Variants in SLC17A6 observed in about 807,000 individuals in gnomAD.
SLC17A6 encodes the protein vesicular glutamate transporter 2.
Under a neutral mutation model 67.1 loss-of-function variants are expected in SLC17A6, and 35 were observed. That is an observed-to-expected ratio of 0.52 (90% CI 0.40 to 0.69). The LOEUF is 0.69. Among genes scored for constraint, SLC17A6 ranks in the 30% least tolerant of loss-of-function variants. The pLI, the probability that SLC17A6 is intolerant of heterozygous loss-of-function variation, is 0.00. For synonymous variants in SLC17A6, 285 were observed against 252.3 expected (o/e 1.13, Z -1.23); for missense variants, 588 against 723.9 (o/e 0.81, Z 2.15).
In SLC17A6 at chr11:22,360,908, C is replaced by T; in HGVS notation, c.585C>T (p.Tyr195=). ...ILQGLVEGVT[Y]PACHGIWSKW... is the part of the protein sequence containing the mutation. ...TTCCCCCATCACAGGGTGTGACCTACCCAGCATGTCATGGGATATGGAGCA... is the reference window on the plus strand; with the variant it reads ...TTCCCCCATCACAGGGTGTGACCTATCCAGCATGTCATGGGATATGGAGCA... The change falls in exon 5 of 12, where the codon TAC becomes TAT. Residue 195 remains tyrosine, a synonymous_variant. Transcript: ENST00000263160. 6.2e-7 allele frequency: 1 copy of T among 1,613,858 alleles called. No homozygotes were observed. Among genetic ancestry groups the T allele is most frequent in the South Asian group, 1.1e-5 (1 of 91,056 alleles).
At chr11:22,353,014 A>G (rs1463102823) in intron 3 of SLC17A6, among the ~76,000 whole-genome samples, 1 of 152,212 alleles carries the variant, frequency 6.6e-6, no homozygotes, top group Admixed American at 6.5e-5. Flanking sequence ...TGGAACAACC[A>G]TGTGTTCACG....
At chr11:22,361,059 T>C (rs926062812) in intron 5 of SLC17A6, 75 bp downstream of exon 5, 2 of 1,255,350 alleles carry the variant, frequency 1.6e-6, no homozygotes, top group Non-Finnish European at 2.3e-6. Context: ...GAAAATTTGG[T>C]AAACTCACCT....
intron 7 of SLC17A6, among the ~76,000 whole-genome samples, chr11:22,366,732 C>T (rs1469140996): frequency 1.3e-5 from 2 of 152,044 alleles, no homozygotes; most frequent in South Asian, 2.1e-4. Context: ...TGGCTGGGCA[C>T]GGTGGCTCAC....
chr11:22,339,181 TTATATATA>T lies in SLC17A6; in HGVS notation c.86+578_86+585del, dbSNP rs60197884. Among the ~76,000 whole-genome samples, 16 of 82,808 alleles carry T rather than the reference TTATATATA, an allele frequency of 1.9e-4. 1 individual carries two copies. The highest frequency in any genetic ancestry group is 7.6e-4 in the South Asian group (2 of 2,640). The allele number at this position is 82,808 out of a possible 152,430, so 54.3% of individuals were successfully genotyped here. A position where few individuals can be genotyped will look rare whatever the true frequency, so the allele number is the denominator to read the frequency against. On this transcript the variant is annotated intron_variant, in intron 1 of 11. Transcript: ENST00000263160. ...TATATATATGTTATATATATATGTT[TTATATATA>T]TATATATATATATATGTTAGAGAGA...
At chr11:22,345,897 G>A (rs1020325735) in intron 3 of SLC17A6, among the ~76,000 whole-genome samples, 2 of 152,048 alleles carry the variant, frequency 1.3e-5, no homozygotes, top group African/African-American at 4.8e-5. Context: ...TGTCCAACTA[G>A]TACTACAAAT....
intron 3 of SLC17A6, among the ~76,000 whole-genome samples, chr11:22,348,057 T>C (rs900686924): frequency 2.0e-5 from 3 of 152,302 alleles, no homozygotes; most frequent in Non-Finnish European, 4.4e-5. Flanking sequence ...AGAGCTCATC[T>C]AATCCAACCC....
At chr11:22,352,383 A>G (rs1321279582) in intron 3 of SLC17A6, among the ~76,000 whole-genome samples, 3 of 152,252 alleles carry the variant, frequency 2.0e-5, no homozygotes, top group African/African-American at 2.4e-5. Context: ...TTGATAGGAT[A>G]CCCAGAACAG....
At chr11:22,343,026 C>T in intron 2 of SLC17A6, 1 of 604,622 alleles carries the variant, frequency 1.7e-6, no homozygotes, top group Non-Finnish European at 3.0e-6. Context: ...AAAGCCAGTG[C>T]GCCTGGCCTC....
chr11:22,345,001 C>CA (rs1192321446), intron 3 of SLC17A6, among the ~76,000 whole-genome samples: 1 of 151,462 alleles, frequency 6.6e-6, no homozygotes, highest in Admixed American at 6.6e-5. Flanking sequence ...AACAATTCAC[C>CA]AAAAAACAAA....
At chr11:22,358,895 A>G (rs1193038384) in intron 3 of SLC17A6, among the ~76,000 whole-genome samples, 1 of 152,186 alleles carries the variant, frequency 6.6e-6, no homozygotes, top group African/African-American at 2.4e-5. Context: ...TCATTTATAA[A>G]ATTTCTCTGT....
rs77456437 is a variant in SLC17A6, at chr11:22,360,038, G to C, written c.573+511G>C. 6.6e-3 allele frequency among the ~76,000 whole-genome samples: 996 copies of C among 151,862 alleles called. 44 individuals are homozygous for C. In the East Asian group the frequency reaches 0.12, roughly 19 times the overall value. ...AATTCCACTTAAAAACTCGAGTTCGGCTTACCAATTTCCCCTTCTCTTTCC... is the reference window on the plus strand; with the variant it reads ...AATTCCACTTAAAAACTCGAGTTCGCCTTACCAATTTCCCCTTCTCTTTCC... On this transcript the variant is annotated intron_variant, in intron 4 of 11. Coordinates refer to ENST00000263160, the MANE Select transcript of SLC17A6 (RefSeq NM_020346.3).
intron 5 of SLC17A6, chr11:22,362,265 C>A: frequency 2.2e-6 from 1 of 459,058 alleles, no homozygotes; most frequent in Non-Finnish European, 4.3e-6. Flanking sequence ...AATATGCCTT[C>A]AATCATGGAT....
intron 3 of SLC17A6, among the ~76,000 whole-genome samples, chr11:22,357,934 G>A (rs899739374): frequency 1.3e-5 from 2 of 152,178 alleles, no homozygotes; most frequent in Admixed American, 1.3e-4. Context: ...CTAAGGGAAG[G>A]CGGGTACAGG....
rs765680767 is a variant in SLC17A6, at chr11:22,362,846, ATAGAGT to A, written c.748+24_748+29del. On this transcript the variant is annotated intron_variant, in intron 6 of 11. Coordinates refer to ENST00000263160, the MANE Select transcript of SLC17A6 (RefSeq NM_020346.3). ...CTACGGTATGTTATATTTCTATGCA[ATAGAGT>A]TAAAGGAAATGTGCATAGGCTAAAA... The A allele has an allele frequency of 3.8e-6, 6 of 1,589,986 alleles. No individual in the cohort carries two copies. The South Asian group carries it at 6.6e-5, about 18-fold the overall frequency.
In SLC17A6 at chr11:22,376,667, A is replaced by C. The variant is rs761487841; in HGVS notation, c.1408A>C (p.Asn470His). ...TATCATTGTTGGTGCAATGACAAAG[A>C]ATAAGGTAAGATGGTCAAAACAGAT... ...CPIIVGAMTK[N>H]KSREEWQYVF... Residue 470 changes from asparagine (N) to histidine (H), a missense_variant, in exon 11 of 12, where the codon AAT becomes CAT. By Grantham distance (68) the Asn-to-His change is moderately conservative. Around this residue, in one of 4 missense-constraint regions of SLC17A6, gnomAD observed 414 missense variants for 563.4 expected, o/e 0.73. Coordinates refer to ENST00000263160, the MANE Select transcript of SLC17A6 (RefSeq NM_020346.3). The C allele has an allele frequency of 6.2e-7, 1 of 1,613,876 alleles. No individual in the cohort carries two copies. The highest frequency in any genetic ancestry group is 1.3e-5 in the African/African-American group (1 of 75,034).
intron 3 of SLC17A6, among the ~76,000 whole-genome samples, chr11:22,343,811 GC>G (rs1323666779): frequency 6.6e-6 from 1 of 152,140 alleles, no homozygotes; most frequent in Non-Finnish European, 1.5e-5. Flanking sequence ...CGAAGACCTG[GC>G]CCCGTCCCCC....
In SLC17A6 at chr11:22,343,345, G is replaced by C; in HGVS notation, c.438G>C (p.Ala146=). The C allele has an allele frequency of 5.0e-6, 8 of 1,611,160 alleles. No individual in the cohort carries two copies. Among genetic ancestry groups the C allele is most frequent in the South Asian group, 2.2e-5 (2 of 90,404 alleles). Residue 146 remains alanine (A), a synonymous_variant, in exon 3 of 12, where the codon GCG becomes GCC. Transcript: ENST00000263160. Reference sequence around the variant, plus strand: ...CTCAGATTCCGGGAGGCTACATCGCGTCTCGGCTGGCAGCCAACAGGTAAT... The same window carrying C: ...CTCAGATTCCGGGAGGCTACATCGCCTCTCGGCTGGCAGCCAACAGGTAAT... The part of the protein sequence containing the change: ...IITQIPGGYI[A]SRLAANRVFG...
intron 7 of SLC17A6, among the ~76,000 whole-genome samples, chr11:22,366,812 C>G (rs1047999632): frequency 1.4e-4 from 22 of 151,956 alleles, no homozygotes; most frequent in African/African-American, 5.1e-4. Context: ...TGAGACCAGT[C>G]TGGCCAACAT....
intron 10 of SLC17A6, 134 bp downstream of exon 10, chr11:22,376,226 A>C (rs568850901): frequency 3.4e-6 from 2 of 582,592 alleles, no homozygotes; most frequent in East Asian, 6.0e-5. Context: ...AAATATTTCC[A>C]CTAGAAAATG....
Sources: allele counts gnomAD v4.1 joint callset (sites outside exome capture counted in the v4.1 genomes callset), GRCh38; gene constraint gnomAD v4.1.1; regional missense constraint gnomAD v4.1.1; transcripts MANE v1.5; gene names NCBI Gene and HGNC (gene_info 2026-07-23, HGNC 2026-07-21).